USP33: variants seen among roughly 807,000 people sequenced by gnomAD.
The protein encoded by USP33 is ubiquitin carboxyl-terminal hydrolase 33.
USP33 carries 46 observed loss-of-function variants against 124.2 expected under a neutral mutation model. The ratio of observed to expected loss-of-function variants is 0.37; its 90% confidence interval spans 0.29 to 0.47. The LOEUF (loss-of-function observed/expected upper bound fraction) is 0.47. USP33 is among the 20% of genes least tolerant of loss of function. USP33 has a pLI of 0.99. For synonymous variants in USP33, 350 were observed against 352.3 expected (o/e 0.99, Z 0.07); for missense variants, 851 against 1,070.6 (o/e 0.79, Z 2.86).
chr1:77,740,440 G>A (rs1468907331), intron 4 of USP33, among the ~76,000 whole-genome samples: 5 of 150,146 alleles, frequency 3.3e-5, no homozygotes, highest in Non-Finnish European at 5.9e-5. Context: ...TGCAACCTCC[G>A]CCTCCCAGGT....
intron 21 of USP33, among the ~76,000 whole-genome samples, chr1:77,702,674 T>C (rs1056868658): frequency 1.3e-5 from 2 of 152,066 alleles, no homozygotes; most frequent in Non-Finnish European, 2.9e-5. Context: ...ATCATTCCAA[T>C]GTCAATTCAG....
intron 17 of USP33, among the ~76,000 whole-genome samples, chr1:77,716,877 T>C (rs1000708324): frequency 6.6e-6 from 1 of 151,820 alleles, no homozygotes; most frequent in Non-Finnish European, 1.5e-5. Flanking sequence ...TCTTTTTTTT[T>C]TTTTTGACAT....
At chr1:77,698,749 CT>C (rs1330472150) in intron 22 of USP33, among the ~76,000 whole-genome samples, 2 of 152,066 alleles carry the variant, frequency 1.3e-5, no homozygotes, top group Admixed American at 1.3e-4. Flanking sequence ...ATCCACCCCC[CT>C]CGGCCTCCCA....
At chr1:77,723,965 GT>G (rs963989481) in intron 11 of USP33, among the ~76,000 whole-genome samples, 30 of 146,164 alleles carry the variant, frequency 2.1e-4, no homozygotes, top group South Asian at 4.3e-4. Context: ...CACCCAGCCT[GT>G]TTTTTTTTTT....
intron 15 of USP33, among the ~76,000 whole-genome samples, chr1:77,720,047 C>T (rs570182859): frequency 6.6e-6 from 1 of 151,148 alleles, no homozygotes; most frequent in African/African-American, 2.4e-5. Flanking sequence ...GTAGTCCCAG[C>T]TACTTGAGAG....
rs1342219217 is a variant in USP33, at chr1:77,741,641, T to C, written c.57A>G (p.Lys19=). 2 of 1,591,808 alleles carry C rather than the reference T, an allele frequency of 1.3e-6. No individual in the cohort carries two copies. The highest frequency in any genetic ancestry group is 2.7e-5 in the African/African-American group (2 of 73,814). Residue 19 remains lysine, a synonymous_variant, in exon 2 of 24, where the codon AAA becomes AAG. Transcript: ENST00000370794. ...PHLDSVGEIT[K]EDLIQKSLGT... ...CAAGGGATTTTTGTATCAAATCTTC[T>C]TTTGTTATTTCACCAACTGAATCCA...
At chr1:77,734,515 C>T (rs531607896) in intron 6 of USP33, 99 bp from the exon 7 acceptor site, 14 of 703,770 alleles carry the variant, frequency 2.0e-5, no homozygotes, top group South Asian at 5.6e-5. Context: ...TTAAGGACCA[C>T]GGAAATACAA....
chr1:77,701,371 C>T lies in USP33; in HGVS notation c.2507G>A (p.Gly836Glu). ...EWESFVKGKD[G>E]DPPGPIDNTK... Reference sequence around the variant, plus strand: ...AAATTTTTCAGTCAACCACTTACCTCCATCTTTACCCTTCACAAAACTTTC... The same window carrying T: ...AAATTTTTCAGTCAACCACTTACCTTCATCTTTACCCTTCACAAAACTTTC... Residue 836 changes from glycine (G) to glutamate (E), a missense_variant and splice_region_variant, in exon 22 of 24, where the codon GGA (glycine) becomes GAA (glutamate). Coordinates refer to ENST00000370794, the MANE Select transcript of USP33 (RefSeq NM_201624.3). 1 of 1,597,218 alleles carries T rather than the reference C, an allele frequency of 6.3e-7. No homozygotes were observed. Among genetic ancestry groups the T allele is most frequent in the South Asian group, 1.1e-5 (1 of 87,580 alleles).
chr1:77,727,509 G>A (rs947863387), intron 10 of USP33, among the ~76,000 whole-genome samples: 2 of 152,164 alleles, frequency 1.3e-5, no homozygotes, highest in African/African-American at 4.8e-5. Flanking sequence ...GAAAGCATCT[G>A]TGCACTTTAC....
intron 9 of USP33, 23 bp from the exon 10 acceptor site, chr1:77,728,735 T>A: frequency 1.9e-6 from 3 of 1,598,104 alleles, no homozygotes; most frequent in Non-Finnish European, 1.7e-6. Flanking sequence ...CAACATAATG[T>A]TAACCACTTC....
chr1:77,731,920 T>C (rs1405826958), intron 7 of USP33, among the ~76,000 whole-genome samples: 4 of 151,922 alleles, frequency 2.6e-5, no homozygotes, highest in Non-Finnish European at 4.4e-5. Context: ...CTGGGCAACA[T>C]AGCGAAAACC....
intron 14 of USP33, 115 bp from the exon 15 acceptor site, chr1:77,721,320 TC>T: frequency 8.8e-7 from 1 of 1,133,210 alleles, no homozygotes; most frequent in Non-Finnish European, 1.3e-6. Context: ...AAAACAAGGT[TC>T]CATTTTTTTA....
chr1:77,725,113 C>A (rs1190763235), intron 11 of USP33, among the ~76,000 whole-genome samples: 1 of 152,024 alleles, frequency 6.6e-6, no homozygotes, highest in African/African-American at 2.4e-5. Flanking sequence ...AGTAACATAT[C>A]TGAATTTCAA....
At chr1:77,739,219 T>C in intron 5 of USP33, 46 bp downstream of exon 5, 1 of 1,559,068 alleles carries the variant, frequency 6.4e-7, no homozygotes. Context: ...TCTGAAATTA[T>C]TACCGGAATG....
At position 77,722,061 on chromosome 1, in the gene USP33, G is replaced by A. The variant is rs775364988; in HGVS notation, c.1525C>T (p.Gln509Ter). The A allele has an allele frequency of 6.2e-7, 1 of 1,614,002 alleles. No homozygotes were observed. The highest frequency in any genetic ancestry group is 2.2e-5 in the East Asian group (1 of 44,874). The change falls in exon 13 of 24, where the codon CAA (glutamine) becomes TAA (stop). Residue 509 changes from glutamine to a stop codon, truncating the protein, a stop_gained. Coordinates refer to ENST00000370794, the MANE Select transcript of USP33 (RefSeq NM_201624.3). LOFTEE classifies it high-confidence loss of function. ...TCCATGAAAAAAGCTATCCACCCTT[G>A]TGGAGCATATGCTTCGCCACATGAT... The part of the protein sequence containing the change: ...AGSCGEAYAP[Q>*]GWIAFFMEYV...
rs752222542 is a variant in USP33, at chr1:77,697,326, C to T, written c.2727G>A (p.Arg909=). The change falls in exon 24 of 24, where the codon CGG becomes CGA. Residue 909 remains arginine (R), a synonymous_variant. Coordinates refer to ENST00000370794, the MANE Select transcript of USP33 (RefSeq NM_201624.3). The stretch of plus-strand genomic sequence containing the variant: ...CTCTACATCCTAAAAATTACAAAGA[C>T]CGAGTTTCTACTTCAATTTTTTCTT... ...QAEEKIEVET[R]SL The T allele has an allele frequency of 6.3e-7, 1 of 1,599,926 alleles. No individual in the cohort carries two copies. The highest frequency in any genetic ancestry group is 1.4e-5 in the African/African-American group (1 of 73,896).
In USP33 at chr1:77,725,614, C is replaced by G; in HGVS notation, c.1276+8G>C. On this transcript the variant is annotated splice_region_variant and intron_variant, in intron 11 of 23. Transcript: ENST00000370794. ...AGCAAAAGAGACTGAATAAGAGAAA[C>G]GTTTTACCTTTTTTGTGTGGTGGTG... The G allele has an allele frequency of 1.9e-6, 3 of 1,613,506 alleles. No individual in the cohort carries two copies. In the Middle Eastern group the frequency reaches 5.0e-4, roughly 266 times the overall value.
At chr1:77,705,653 C>A (rs1263610506) in intron 21 of USP33, among the ~76,000 whole-genome samples, 1 of 151,484 alleles carries the variant, frequency 6.6e-6, no homozygotes, top group African/African-American at 2.4e-5. Context: ...CCTTGCCCAG[C>A]CCCAGATTTG....
intron 19 of USP33, among the ~76,000 whole-genome samples, chr1:77,714,300 TG>T (rs1236486855): frequency 6.6e-6 from 1 of 152,212 alleles, no homozygotes; most frequent in Non-Finnish European, 1.5e-5. Flanking sequence ...TGTAAACAGC[TG>T]TTTATGTATC....
Sources: gnomAD v4.1 joint callset for allele counts (sites outside exome capture counted in the v4.1 genomes callset) on GRCh38, gnomAD v4.1.1 for gene constraint, MANE v1.5 for transcripts, NCBI Gene and HGNC (gene_info 2026-07-23, HGNC 2026-07-21) for gene names.